MCTP1: variants seen among roughly 807,000 people sequenced by gnomAD.
The protein encoded by MCTP1 is multiple C2 and transmembrane domain-containing protein 1.
Under a neutral mutation model 120.6 loss-of-function variants are expected in MCTP1, and 69 were observed. The observed-to-expected ratio is 0.57, with a 90% CI of 0.47 to 0.70. MCTP1 has a LOEUF of 0.70. MCTP1 is among the 30% of genes least tolerant of loss of function. The probability of loss-of-function intolerance (pLI) is 0.00; values close to 1 mark genes in which losing one functional copy is unlikely to be tolerated. For synonymous variants in MCTP1, 529 were observed against 493.1 expected (o/e 1.07, Z -0.96); for missense variants, 1,203 against 1,248.8 (o/e 0.96, Z 0.55).
chr5:95,243,204 G>A (rs1048175051), intron 1 of MCTP1, among the ~76,000 whole-genome samples: 3 of 152,122 alleles, frequency 2.0e-5, no homozygotes, highest in Non-Finnish European at 4.4e-5. Context: ...AAGAAAAGAT[G>A]AGACTGATTT....
chr5:94,842,154 G>A (rs1375096076), intron 17 of MCTP1, among the ~76,000 whole-genome samples: 3 of 152,186 alleles, frequency 2.0e-5, no homozygotes, highest in East Asian at 1.9e-4. Context: ...GCTTAAAAGA[G>A]ACTTGAGAAG....
In MCTP1 at chr5:94,706,081, G is replaced by A. The variant is rs754485538; in HGVS notation, c.*1415C>T. The A allele has an allele frequency of 6.6e-6, 1 of 151,608 alleles. No homozygotes were observed. The allele number at this position is 151,608 out of a possible 1,614,324, so 9.4% of individuals were successfully genotyped here. ...TATTGTTAAAGAATCTTCCTTTAGA[G>A]TGAAATATACATTTCTTTTAGCTTT... On this transcript the variant is annotated 3_prime_UTR_variant, in exon 23 of 23. Coordinates refer to ENST00000515393, the MANE Select transcript of MCTP1 (RefSeq NM_024717.7).
chr5:94,866,470 C>T (rs1030136508), intron 17 of MCTP1, among the ~76,000 whole-genome samples: 1 of 151,438 alleles, frequency 6.6e-6, no homozygotes, highest in Non-Finnish European at 1.5e-5. Flanking sequence ...TCTGTTTTCA[C>T]ATTGTAGTTT....
At chr5:94,752,175 T>C (rs1319585249) in intron 19 of MCTP1, among the ~76,000 whole-genome samples, 3 of 136,072 alleles carry the variant, frequency 2.2e-5, no homozygotes, top group African/African-American at 5.3e-5. Context: ...GTAGGTGAAT[T>C]ATCTCACCCG....
At chr5:94,993,117 C>G (rs114970944) in intron 2 of MCTP1, among the ~76,000 whole-genome samples, 4 of 151,930 alleles carry the variant, frequency 2.6e-5, no homozygotes, top group African/African-American at 9.7e-5. Context: ...TTTTTCAATA[C>G]GTAGTAAGTT....
chr5:95,230,211 CATATACACATACATAT>C (rs779868443), intron 1 of MCTP1, among the ~76,000 whole-genome samples: 51 of 148,478 alleles, frequency 3.4e-4, no homozygotes, highest in African/African-American at 1.2e-3. Flanking sequence ...TATACACACA[CATATACACATACATAT>C]ATGTGTGTGT....
At chr5:94,752,038 G>T (rs1004629665) in intron 19 of MCTP1, among the ~76,000 whole-genome samples, 1 of 145,264 alleles carries the variant, frequency 6.9e-6, no homozygotes, top group Non-Finnish European at 1.5e-5. Context: ...CAGCACACCA[G>T]CATGGCACAT....
chr5:95,229,360 T>G (rs1191416693), intron 1 of MCTP1, among the ~76,000 whole-genome samples: 6 of 152,214 alleles, frequency 3.9e-5, no homozygotes, highest in African/African-American at 1.4e-4. Context: ...CGATTAGTTT[T>G]CTACTAAAAT....
chr5:95,146,014 G>A (rs1293240351), intron 1 of MCTP1, among the ~76,000 whole-genome samples: 5 of 151,886 alleles, frequency 3.3e-5, no homozygotes. Flanking sequence ...AATCCATCTG[G>A]TCCATGGCTT....
chr5:95,249,156 A>G (rs1475041935), intron 1 of MCTP1, among the ~76,000 whole-genome samples: 4 of 152,338 alleles, frequency 2.6e-5, no homozygotes, highest in African/African-American at 9.6e-5. Flanking sequence ...GCCAAAATAG[A>G]CAAATGGGAT....
At chr5:94,917,087 G>A (rs887195142) in intron 8 of MCTP1, among the ~76,000 whole-genome samples, 1 of 152,194 alleles carries the variant, frequency 6.6e-6, no homozygotes, top group Non-Finnish European at 1.5e-5. Context: ...GAATAATTAT[G>A]AAAAGCTGTG....
At chr5:94,712,939 A>T (rs1278287892) in intron 20 of MCTP1, among the ~76,000 whole-genome samples, 1 of 152,068 alleles carries the variant, frequency 6.6e-6, no homozygotes, top group African/African-American at 2.4e-5. Flanking sequence ...CTCCTATTGG[A>T]AGGATAAATG....
intron 1 of MCTP1, among the ~76,000 whole-genome samples, chr5:95,256,761 G>A (rs1490064415): frequency 5.3e-5 from 8 of 152,198 alleles, no homozygotes; most frequent in Admixed American, 3.9e-4. Flanking sequence ...TGGCTTAGTT[G>A]CAGGGAGTAA....
chr5:95,125,892 A>G (rs1045368334), intron 1 of MCTP1, among the ~76,000 whole-genome samples: 9 of 152,226 alleles, frequency 5.9e-5, no homozygotes, highest in Admixed American at 3.3e-4. Flanking sequence ...ATGTCTAATT[A>G]TCCAACAAGA....
intron 17 of MCTP1, chr5:94,825,853 T>C (rs192939800): frequency 5.8e-6 from 1 of 173,544 alleles, no homozygotes; most frequent in East Asian, 1.8e-4. Flanking sequence ...CTACTTTGTC[T>C]TTTCGATCTT....
chr5:95,127,953 A>C (rs2152419342), intron 1 of MCTP1, among the ~76,000 whole-genome samples: 1 of 152,268 alleles, frequency 6.6e-6, no homozygotes, highest in East Asian at 1.9e-4. Flanking sequence ...ACCAGATGGT[A>C]GGTGTTCTTC....
intron 17 of MCTP1, among the ~76,000 whole-genome samples, chr5:94,830,801 T>C (rs756579919): frequency 1.3e-4 from 20 of 151,652 alleles, no homozygotes; most frequent in Non-Finnish European, 2.5e-4. Context: ...GATGGGTCAT[T>C]TCTTAAATTT....
chr5:95,000,192 T>C (rs951731397), intron 2 of MCTP1, among the ~76,000 whole-genome samples: 2 of 152,308 alleles, frequency 1.3e-5, no homozygotes, highest in African/African-American at 4.8e-5. Context: ...CAAACTGATG[T>C]AAAGCTACGG....
At chr5:94,802,546 T>G (rs1052683926) in intron 17 of MCTP1, among the ~76,000 whole-genome samples, 3 of 152,276 alleles carry the variant, frequency 2.0e-5, no homozygotes, top group African/African-American at 7.2e-5. Flanking sequence ...CTTCTCCTCT[T>G]TCCTATAAAA....
Sources: allele counts gnomAD v4.1 joint callset (sites outside exome capture counted in the v4.1 genomes callset), GRCh38; gene constraint gnomAD v4.1.1; transcripts MANE v1.5; gene names NCBI Gene and HGNC (gene_info 2026-07-23, HGNC 2026-07-21).